The following BMPER variants were observed in gnomAD, a reference collection of about 807,000 sequenced individuals.
The protein encoded by BMPER is BMP binding endothelial regulator.
Under a neutral mutation model 87.3 loss-of-function variants are expected in BMPER, and 45 were observed. The observed-to-expected ratio is 0.52, with a 90% CI of 0.41 to 0.66. BMPER has a LOEUF of 0.66. Among genes scored for constraint, BMPER ranks in the 30% least tolerant of loss-of-function variants. The pLI, the probability that BMPER is intolerant of heterozygous loss-of-function variation, is 0.00. For missense variants in BMPER, 784 were observed against 867.5 expected (o/e 0.90, Z 1.21); for synonymous variants, 326 against 316.2 (o/e 1.03, Z -0.33).
At chr7:34,130,218 T>C (rs903218822) in intron 13 of BMPER, among the ~76,000 whole-genome samples, 4 of 151,960 alleles carry the variant, frequency 2.6e-5, no homozygotes, top group Non-Finnish European at 5.9e-5. Flanking sequence ...CTCTGTCTTC[T>C]GGGTTCCCTT....
intron 13 of BMPER, among the ~76,000 whole-genome samples, chr7:34,102,449 C>T (rs1287618870): frequency 1.3e-5 from 2 of 152,208 alleles, no homozygotes; most frequent in Non-Finnish European, 1.5e-5. Context: ...ATTGGCCCCA[C>T]ACCCAGAGTT....
At chr7:33,994,801 G>A (rs539384735) in intron 6 of BMPER, among the ~76,000 whole-genome samples, 7 of 152,260 alleles carry the variant, frequency 4.6e-5, no homozygotes, top group African/African-American at 1.7e-4. Flanking sequence ...CCATTGGCTA[G>A]TTATGTCACC....
chr7:33,911,413 C>T (rs990483770), intron 2 of BMPER, among the ~76,000 whole-genome samples: 3 of 152,230 alleles, frequency 2.0e-5, no homozygotes, highest in Admixed American at 6.5e-5. Context: ...CTGCTGGAAA[C>T]GTTTACTACT....
chr7:34,106,938 G>T (rs879712426), intron 13 of BMPER, among the ~76,000 whole-genome samples: 5 of 151,946 alleles, frequency 3.3e-5, no homozygotes, highest in Non-Finnish European at 5.9e-5. Context: ...CATGATGTTT[G>T]TGCGGTCTTT....
chr7:34,152,290 A>C (rs1289180486), intron 14 of BMPER, among the ~76,000 whole-genome samples: 1 of 152,156 alleles, frequency 6.6e-6, no homozygotes, highest in Non-Finnish European at 1.5e-5. Context: ...CCTATTCTTG[A>C]GGAATGAGGG....
intron 2 of BMPER, among the ~76,000 whole-genome samples, chr7:33,918,095 C>A (rs1472981774): frequency 6.6e-6 from 1 of 152,178 alleles, no homozygotes; most frequent in Non-Finnish European, 1.5e-5. Flanking sequence ...CCTGCCTTGG[C>A]CTCCCAAAGT....
intron 11 of BMPER, among the ~76,000 whole-genome samples, chr7:34,078,161 GA>G (rs1166477776): frequency 6.6e-6 from 1 of 152,130 alleles, no homozygotes; most frequent in African/African-American, 2.4e-5. Context: ...GACTTTACTG[GA>G]ATGTCTTAAC....
chr7:34,139,755 TA>T (rs569704094), intron 13 of BMPER, among the ~76,000 whole-genome samples: 43 of 152,200 alleles, frequency 2.8e-4, no homozygotes, highest in Non-Finnish European at 5.7e-4. Flanking sequence ...TCCTCATATT[TA>T]AAAATATATT....
At chr7:33,910,083 T>C (rs1235272413) in intron 2 of BMPER, among the ~76,000 whole-genome samples, 2 of 152,176 alleles carry the variant, frequency 1.3e-5, no homozygotes, top group Admixed American at 1.3e-4. Context: ...GTTCATCTAT[T>C]TGAGGGGGTA....
chr7:33,991,391 A>G (rs2127926324), intron 6 of BMPER, among the ~76,000 whole-genome samples: 1 of 152,106 alleles, frequency 6.6e-6, no homozygotes, highest in East Asian at 1.9e-4. Context: ...TAGATTTTCT[A>G]GTTTATTTGC....
chr7:34,031,921 T>TAC (rs1312848645), intron 6 of BMPER, among the ~76,000 whole-genome samples: 2 of 109,856 alleles, frequency 1.8e-5, no homozygotes, highest in African/African-American at 8.7e-5. Flanking sequence ...TATATATATA[T>TAC]ATATATACAC....
chr7:33,987,267 C>T (rs1175442871), intron 6 of BMPER, among the ~76,000 whole-genome samples: 2 of 152,112 alleles, frequency 1.3e-5, no homozygotes, highest in African/African-American at 4.8e-5. Context: ...GCTTCAATTA[C>T]CACCATTCCC....
At chr7:33,918,433 A>T (rs1158512765) in intron 2 of BMPER, among the ~76,000 whole-genome samples, 2 of 152,240 alleles carry the variant, frequency 1.3e-5, no homozygotes, top group Non-Finnish European at 2.9e-5. Flanking sequence ...TTCTGCCTCC[A>T]GTAAAGCCTG....
chr7:34,027,289 C>G lies in BMPER; in HGVS notation c.577-19017C>G, dbSNP rs535715067. On this transcript the variant is annotated intron_variant, in intron 6 of 14. Coordinates refer to ENST00000649409, the MANE Select transcript of BMPER (RefSeq NM_001365308.1). ...CTTTTTGACTATGTTCACATTTGCT[C>G]CGATGGTGAGTAAAAGTGCTGGAGT... Among the ~76,000 whole-genome samples the G allele has an allele frequency of 2.0e-4, 31 of 152,140 alleles. No homozygotes were observed. In the South Asian group the frequency reaches 4.8e-3, roughly 23 times the overall value.
intron 5 of BMPER, among the ~76,000 whole-genome samples, chr7:33,973,298 A>G (rs1447811778): frequency 3.3e-5 from 5 of 152,248 alleles, no homozygotes; most frequent in Non-Finnish European, 4.4e-5. Flanking sequence ...ACGAGTGGGC[A>G]TCTGCCATAG....
chr7:33,937,263 A>G (rs757996297), intron 2 of BMPER, 26 bp from the exon 3 acceptor site: 13 of 1,606,432 alleles, frequency 8.1e-6, no homozygotes, highest in Non-Finnish European at 1.1e-5. Flanking sequence ...GTCTATTTCA[A>G]ATCTCTCGTG....
Position 34,143,490 on chromosome 7 carries a change from G to A in BMPER, c.1876+130G>A. On this transcript the variant is annotated intron_variant, in intron 14 of 14. Transcript: ENST00000649409. ...TGCCAGAGGAAAATCCCTTCCAGTA[G>A]CCCATCTGGATTGCTACTTGATAAA... 2.9e-6 allele frequency: 4 copies of A among 1,383,486 alleles called. No individual in the cohort carries two copies. In the South Asian group the frequency reaches 4.9e-5, roughly 17 times the overall value. 85.7% of individuals were successfully genotyped at this position (1,383,486 alleles called of 1,614,324 possible).
intron 13 of BMPER, among the ~76,000 whole-genome samples, chr7:34,133,417 G>A (rs1349583995): frequency 3.3e-5 from 5 of 151,880 alleles, no homozygotes. Context: ...TCTGGAAGGT[G>A]GTGTGCCTGG....
intron 6 of BMPER, among the ~76,000 whole-genome samples, chr7:34,029,178 A>G (rs1310065509): frequency 6.6e-6 from 1 of 152,072 alleles, no homozygotes; most frequent in Non-Finnish European, 1.5e-5. Context: ...GTGGTGAGCA[A>G]TTGACACAGT....
Sources: allele counts gnomAD v4.1 joint callset (sites outside exome capture counted in the v4.1 genomes callset), GRCh38; gene constraint gnomAD v4.1.1; transcripts MANE v1.5; gene names NCBI Gene and HGNC (gene_info 2026-07-23, HGNC 2026-07-21).